The following SYN2 variants were observed in gnomAD, a reference collection of about 807,000 sequenced individuals.
The protein encoded by SYN2 is synapsin II, also known as synapsin-2.
Under a neutral mutation model 50.9 loss-of-function variants are expected in SYN2, and 19 were observed. The observed-to-expected ratio is 0.37, with a 90% CI of 0.26 to 0.55. The LOEUF is 0.55. SYN2 is among the 20% of genes least tolerant of loss of function. SYN2 has a pLI of 0.81. For missense variants in SYN2, 587 were observed against 576.4 expected, an observed-to-expected ratio of 1.02 and a Z score of -0.19; for synonymous variants, 255 against 224.9, an observed-to-expected ratio of 1.13 and a Z score of -1.20.
intron 5 of SYN2, 97 bp from the exon 6 acceptor site, chr3:12,161,449 G>A (rs1043955083): frequency 7.2e-7 from 1 of 1,381,430 alleles, no homozygotes; most frequent in African/African-American, 1.4e-5. Context: ...GTTCTTTAAA[G>A]AACCCTCCCA....
Position 12,163,241 on chromosome 3 carries a change from C to CAAAAAA in SYN2, c.980+1099_980+1104dup, listed in dbSNP as rs11404808. On this transcript the variant is annotated intron_variant, in intron 7 of 12. Coordinates refer to ENST00000621198, the MANE Select transcript of SYN2 (RefSeq NM_133625.6). ...TGGGCGACAGTGCAAGACTCTGTCT[C>CAAAAAA]AAAAAAAAAAAAAAAAAGAGAAAAA... 2.3e-4 allele frequency among the ~76,000 whole-genome samples: 28 copies of CAAAAAA among 122,560 alleles called. 1 individual carries two copies. Among genetic ancestry groups the CAAAAAA allele is most frequent in the Middle Eastern group, 4.2e-3 (1 of 240 alleles). 80.4% of individuals were successfully genotyped at this position (122,560 alleles called of 152,430 possible). A position where few individuals can be genotyped will look rare whatever the true frequency, so the allele number is the denominator to read the frequency against.
chr3:12,139,837 A>G (rs1352328457), intron 1 of SYN2, among the ~76,000 whole-genome samples: 1 of 152,232 alleles, frequency 6.6e-6, no homozygotes, highest in Non-Finnish European at 1.5e-5. Flanking sequence ...AGGAAATCTA[A>G]TGTGGGGAGG....
At chr3:12,045,312 TA>T (rs1694711549) in intron 1 of SYN2, among the ~76,000 whole-genome samples, 1 of 152,136 alleles carries the variant, frequency 6.6e-6, no homozygotes, top group Non-Finnish European at 1.5e-5. Context: ...TCTGATGCAG[TA>T]AAAAGGAGTA....
chr3:12,069,812 GT>G (rs1216470059), intron 1 of SYN2, among the ~76,000 whole-genome samples: 98 of 141,964 alleles, frequency 6.9e-4, no homozygotes, highest in Non-Finnish European at 7.4e-4. Flanking sequence ...TTTGTTTTGG[GT>G]TTTTTTTTTT....
At chr3:12,036,262 A>AG (rs1164053782) in intron 1 of SYN2, among the ~76,000 whole-genome samples, 1 of 151,992 alleles carries the variant, frequency 6.6e-6, no homozygotes, top group Non-Finnish European at 1.5e-5. Flanking sequence ...ATTGTAGGGG[A>AG]GGGGTGCGGC....
At position 12,187,354 on chromosome 3, in the gene SYN2, T is replaced by C. The variant is rs1187366103; in HGVS notation, c.1370-15T>C. 6.6e-7 allele frequency: 1 copy of C among 1,515,340 alleles called. No homozygotes were observed. Among genetic ancestry groups the C allele is most frequent in the Non-Finnish European group, 8.9e-7 (1 of 1,125,738 alleles). The allele number at this position is 1,515,340 out of a possible 1,614,324, so 93.9% of individuals were successfully genotyped here. On this transcript the variant is annotated splice_polypyrimidine_tract_variant and intron_variant, in intron 11 of 12. Transcript: ENST00000621198. ...ATATGGTTAAATTATGAAGTTTTTC[T>C]TGTACTGAACCTAGGGGGCCCTGGG...
chr3:12,088,200 C>T lies in SYN2; in HGVS notation c.378-52451C>T, dbSNP rs187128566. On this transcript the variant is annotated intron_variant, in intron 1 of 12. Coordinates refer to ENST00000621198, the MANE Select transcript of SYN2 (RefSeq NM_133625.6). ...TAATATCCAAAATATATAAGGAACT[C>T]AAACAACTCAATAACAAGAAAACAA... Among the ~76,000 whole-genome samples, 9 of 125,114 alleles carry T rather than the reference C, an allele frequency of 7.2e-5. No homozygotes were observed. In the East Asian group the frequency reaches 1.9e-3, roughly 26 times the overall value. The allele number at this position is 125,114 out of a possible 152,430, so 82.1% of individuals were successfully genotyped here.
At chr3:12,189,677 T>C (rs931391285) in intron 12 of SYN2, among the ~76,000 whole-genome samples, 1 of 152,086 alleles carries the variant, frequency 6.6e-6, no homozygotes, top group Admixed American at 6.5e-5. Flanking sequence ...GTGGCAACCA[T>C]CTGTAGTCCC....
chr3:12,182,674 C>T (rs1176167133), intron 10 of SYN2, among the ~76,000 whole-genome samples: 1 of 152,242 alleles, frequency 6.6e-6, no homozygotes, highest in Non-Finnish European at 1.5e-5. Context: ...CTTTAAGTCC[C>T]TCCCTTTGGG....
At chr3:12,169,251 A>G (rs913059972) in intron 9 of SYN2, among the ~76,000 whole-genome samples, 1 of 152,206 alleles carries the variant, frequency 6.6e-6, no homozygotes, top group Non-Finnish European at 1.5e-5. Flanking sequence ...GAGGTACAGG[A>G]AGAATCAGGA....
intron 1 of SYN2, among the ~76,000 whole-genome samples, chr3:12,118,406 G>T (rs956084064): frequency 2.0e-5 from 3 of 152,076 alleles, no homozygotes; most frequent in Admixed American, 2.0e-4. Context: ...CTAAAAATAC[G>T]TGAATGAATG....
chr3:12,097,500 G>A (rs1445311472), intron 1 of SYN2, among the ~76,000 whole-genome samples: 4 of 152,036 alleles, frequency 2.6e-5, no homozygotes, highest in African/African-American at 9.7e-5. Context: ...TAGCTACTCG[G>A]GAGGCTGAGG....
intron 4 of SYN2, among the ~76,000 whole-genome samples, chr3:12,149,281 T>C (rs1697223204): frequency 6.6e-6 from 1 of 152,032 alleles, no homozygotes; most frequent in Non-Finnish European, 1.5e-5. Flanking sequence ...TGGCATTAAC[T>C]CCCTAGGGAT....
chr3:12,180,207 CCA>C (rs1189036661), intron 10 of SYN2, among the ~76,000 whole-genome samples: 1 of 151,816 alleles, frequency 6.6e-6, no homozygotes, highest in Non-Finnish European at 1.5e-5. Context: ...CCTCGGCCTC[CCA>C]CAGTGTTGGG....
intron 10 of SYN2, among the ~76,000 whole-genome samples, chr3:12,171,616 A>T: frequency 6.6e-6 from 1 of 152,230 alleles, no homozygotes; most frequent in South Asian, 2.1e-4. Flanking sequence ...AAGGAAAGTC[A>T]TTCTGAACTA....
chr3:12,027,397 T>C (rs1050686409), intron 1 of SYN2, among the ~76,000 whole-genome samples: 7 of 152,172 alleles, frequency 4.6e-5, no homozygotes, highest in Non-Finnish European at 1.0e-4. Flanking sequence ...ATTAAACACA[T>C]ATGAAAGATG....
chr3:12,096,625 C>T (rs1695940410), intron 1 of SYN2, among the ~76,000 whole-genome samples: 1 of 151,664 alleles, frequency 6.6e-6, no homozygotes. Flanking sequence ...ATTCATATAA[C>T]TAAAGGAAAC....
rs1029848961 is a variant in SYN2 at position 12,069,757 on chromosome 3, T to G, written c.377+64829T>G. On this transcript the variant is annotated intron_variant, in intron 1 of 12. Transcript: ENST00000621198. ...TTATTGTCCATCTTGTTAATTATATTTATCCTACTGGGTGTGATTTGGTAC... is the reference window on the plus strand; with the variant it reads ...TTATTGTCCATCTTGTTAATTATATGTATCCTACTGGGTGTGATTTGGTAC... 8.5e-5 allele frequency among the ~76,000 whole-genome samples: 13 copies of G among 152,094 alleles called. No homozygotes were observed. In the East Asian group the frequency reaches 9.6e-4, roughly 11 times the overall value.
At chr3:12,158,943 A>C in intron 5 of SYN2, 2 of 1,411,036 alleles carry the variant, frequency 1.4e-6, no homozygotes, top group Non-Finnish European at 1.8e-6. Context: ...AGGCTTTATG[A>C]GGTGGCCCTA....
Sources: gnomAD v4.1 joint callset for allele counts (sites outside exome capture counted in the v4.1 genomes callset) on GRCh38, gnomAD v4.1.1 for gene constraint, MANE v1.5 for transcripts, NCBI Gene and HGNC (gene_info 2026-07-23, HGNC 2026-07-21) for gene names.